PAFAH1B1: variants seen among roughly 807,000 people sequenced by gnomAD.
The protein encoded by PAFAH1B1 is platelet activating factor acetylhydrolase 1b regulatory subunit 1, also known as platelet-activating factor acetylhydrolase IB subunit beta.
Under a neutral mutation model 57.5 loss-of-function variants are expected in PAFAH1B1, and 2 were observed. That is an observed-to-expected ratio of 0.03 (90% CI 0.01 to 0.11). PAFAH1B1 has a LOEUF of 0.11. Among genes scored for constraint, PAFAH1B1 ranks in the 10% least tolerant of loss-of-function variants. The pLI, the probability that PAFAH1B1 is intolerant of heterozygous loss-of-function variation, is 1.00. For missense variants in PAFAH1B1, 257 were observed against 512.0 expected (o/e 0.50, Z 4.81); for synonymous variants, 152 against 169.6 (o/e 0.90, Z 0.81).
intron 9 of PAFAH1B1, among the ~76,000 whole-genome samples, chr17:2,676,840 G>A (rs925619481): frequency 1.1e-4 from 17 of 152,182 alleles, no homozygotes; most frequent in African/African-American, 4.1e-4. Context: ...AGGGGGAGAT[G>A]CTGCTAGCTC....
intron 1 of PAFAH1B1, among the ~76,000 whole-genome samples, chr17:2,633,477 T>C (rs547648736): frequency 3.7e-4 from 55 of 146,888 alleles, no homozygotes; most frequent in Non-Finnish European, 7.6e-4. Context: ...CAGGATTTCT[T>C]TTTTTTTTTT....
At chr17:2,613,102 C>G (rs1466414491) in intron 1 of PAFAH1B1, among the ~76,000 whole-genome samples, 3 of 138,032 alleles carry the variant, frequency 2.2e-5, no homozygotes, top group East Asian at 4.1e-4. Context: ...TTTGTTGGAA[C>G]AAAACCATAT....
intron 1 of PAFAH1B1, among the ~76,000 whole-genome samples, chr17:2,623,349 C>T (rs1213548906): frequency 2.1e-5 from 3 of 145,198 alleles, no homozygotes; most frequent in African/African-American, 7.7e-5. Context: ...GGCTCCGCCT[C>T]CTGGATTCAT....
At chr17:2,613,879 A>C (rs1294802495) in intron 1 of PAFAH1B1, 2 of 207,452 alleles carry the variant, frequency 9.6e-6, no homozygotes, top group Non-Finnish European at 2.0e-5. Flanking sequence ...GCACTCCCAG[A>C]AAGGGGGGCC....
At chr17:2,629,943 T>C (rs1273454396) in intron 1 of PAFAH1B1, among the ~76,000 whole-genome samples, 1 of 152,156 alleles carries the variant, frequency 6.6e-6, no homozygotes, top group Non-Finnish European at 1.5e-5. Context: ...AAATGCCCTT[T>C]TCCACCCCTT....
chr17:2,638,845 TGTAA>T (rs2068658174), intron 2 of PAFAH1B1, among the ~76,000 whole-genome samples: 1 of 151,930 alleles, frequency 6.6e-6, no homozygotes, highest in African/African-American at 2.4e-5. Context: ...CTTGACTGTA[TGTAA>T]GTTTAACGCA....
intron 1 of PAFAH1B1, among the ~76,000 whole-genome samples, chr17:2,634,688 T>C (rs1337239539): frequency 6.6e-6 from 1 of 152,170 alleles, no homozygotes; most frequent in African/African-American, 2.4e-5. Context: ...AAATCTTATC[T>C]AATGGCTCCC....
intron 1 of PAFAH1B1, among the ~76,000 whole-genome samples, chr17:2,595,137 A>G (rs1215783630): frequency 6.6e-6 from 1 of 151,954 alleles, no homozygotes; most frequent in Non-Finnish European, 1.5e-5. Flanking sequence ...TCAATGGGCG[A>G]TGTCATGCCA....
At chr17:2,618,265 C>A (rs868155944) in intron 1 of PAFAH1B1, among the ~76,000 whole-genome samples, 1 of 152,042 alleles carries the variant, frequency 6.6e-6, no homozygotes, top group Non-Finnish European at 1.5e-5. Context: ...ACCAAACTTT[C>A]ATTTATCATT....
At chr17:2,645,380 G>C (rs1460609876) in intron 2 of PAFAH1B1, among the ~76,000 whole-genome samples, 2 of 151,814 alleles carry the variant, frequency 1.3e-5, no homozygotes, top group Non-Finnish European at 2.9e-5. Flanking sequence ...GATCACTTGA[G>C]GTCAGGAGTT....
chr17:2,662,404 G>GTC (rs1329884483), intron 2 of PAFAH1B1, among the ~76,000 whole-genome samples: 1 of 150,504 alleles, frequency 6.6e-6, no homozygotes, highest in East Asian at 2.0e-4. Flanking sequence ...GTGTGTGTGT[G>GTC]TGTGTGTGTG....
In PAFAH1B1 at chr17:2,593,795, G is replaced by A. The variant is rs2068050258; in HGVS notation, c.-402G>A. On this transcript the variant is annotated 5_prime_UTR_variant, in exon 1 of 11. Transcript: ENST00000397195. The stretch of plus-strand genomic sequence containing the variant: ...CTCGGGCGCGAGCGAGAGAAACCGC[G>A]AGCGCCGAGCTTGGACTCGAGCCCC... 2.5e-6 allele frequency: 1 copy of A among 394,154 alleles called. No individual in the cohort carries two copies. The highest frequency in any genetic ancestry group is 4.5e-6 in the Non-Finnish European group (1 of 223,548). 24.4% of individuals were successfully genotyped at this position (394,154 alleles called of 1,614,324 possible).
intron 10 of PAFAH1B1, chr17:2,681,424 C>G (rs1030478550): frequency 3.4e-4 from 90 of 265,874 alleles, no homozygotes; most frequent in African/African-American, 2.0e-3. Flanking sequence ...TTTGGACTTT[C>G]TTAGAATTTT....
chr17:2,606,248 T>C (rs985703298), intron 1 of PAFAH1B1, among the ~76,000 whole-genome samples: 1 of 151,922 alleles, frequency 6.6e-6, no homozygotes, highest in Non-Finnish European at 1.5e-5. Flanking sequence ...GAGGGCTTCA[T>C]GTGTGTAGGA....
chr17:2,626,220 C>T (rs2068487164), intron 1 of PAFAH1B1, among the ~76,000 whole-genome samples: 2 of 151,706 alleles, frequency 1.3e-5, no homozygotes, highest in Admixed American at 1.3e-4. Flanking sequence ...CGCCACTGCA[C>T]TCCAGCCTGG....
chr17:2,664,665 G>A (rs112906321), intron 2 of PAFAH1B1, among the ~76,000 whole-genome samples: 13 of 86,090 alleles, frequency 1.5e-4, no homozygotes, highest in South Asian at 4.4e-4. Flanking sequence ...TCTATCTATC[G>A]CTCTCTCTCT....
intron 1 of PAFAH1B1, among the ~76,000 whole-genome samples, chr17:2,600,010 C>T (rs2068122740): frequency 8.6e-6 from 1 of 116,942 alleles, no homozygotes; most frequent in Admixed American, 1.0e-4. Flanking sequence ...GTAAGAGTCT[C>T]ACTCCATCAC....
intron 2 of PAFAH1B1, among the ~76,000 whole-genome samples, chr17:2,657,901 A>T (rs2068959017): frequency 6.6e-6 from 1 of 152,206 alleles, no homozygotes; most frequent in Non-Finnish European, 1.5e-5. Flanking sequence ...CATGTTTTAT[A>T]GTGAAATTTT....
chr17:2,623,563 ATGT>A (rs745762323), intron 1 of PAFAH1B1, among the ~76,000 whole-genome samples: 22 of 147,282 alleles, frequency 1.5e-4, no homozygotes, highest in Non-Finnish European at 2.4e-4. Context: ...TGGCCAAAAA[ATGT>A]TGTTTTTTTT....
Sources: allele counts gnomAD v4.1 joint callset (sites outside exome capture counted in the v4.1 genomes callset), GRCh38; gene constraint gnomAD v4.1.1; transcripts MANE v1.5; gene names NCBI Gene and HGNC (gene_info 2026-07-23, HGNC 2026-07-21).